The following NF1 variants were observed in gnomAD, a reference collection of about 807,000 sequenced individuals.
The protein encoded by NF1 is neurofibromin.
A neutral mutation model predicts 325.7 loss-of-function variants in NF1; 122 were observed. The observed-to-expected ratio is 0.37, with a 90% CI of 0.32 to 0.44. The LOEUF (loss-of-function observed/expected upper bound fraction) is 0.44, where lower values mean the gene tolerates loss of function less well. Ranked by LOEUF, NF1 falls within the 20% of genes least tolerant of loss-of-function variation. The probability of loss-of-function intolerance (pLI) is 1.00; values close to 1 mark genes in which losing one functional copy is unlikely to be tolerated. For missense variants in NF1, 2,140 were observed against 3,415.4 expected, an observed-to-expected ratio of 0.63 and a Z score of 9.31; for synonymous variants, 1,091 against 1,186.0, an observed-to-expected ratio of 0.92 and a Z score of 1.65.
At chr17:31,260,280 T>C (rs2151464226) in intron 33 of NF1, 89 bp from the exon 34 acceptor site, 1 of 1,359,620 alleles carries the variant, frequency 7.4e-7, no homozygotes, top group South Asian at 1.2e-5. Context: ...TCTTAGTTAC[T>C]TCACAAAGTT....
chr17:31,235,480 A>G (rs1474402220), intron 27 of NF1, 131 bp from the exon 28 acceptor site: 2 of 848,940 alleles, frequency 2.4e-6, no homozygotes, highest in African/African-American at 1.7e-5. Context: ...ATAAATATTA[A>G]TCAGTCATCA....
chr17:31,318,013 T>G (rs1000922625), intron 36 of NF1: 6 of 325,938 alleles, frequency 1.8e-5, no homozygotes, highest in Non-Finnish European at 2.8e-5. Flanking sequence ...ATTTATTTAA[T>G]TATCCCTTGC....
At position 31,340,453 on chromosome 17, in the gene NF1, G is replaced by A. The variant is rs2069786767; in HGVS notation, c.6922-52G>A. ...TTTTTAACTGCAGTGTGTTTTGAAA[G>A]AGACTATGTCATGATTCATCTTACT... On this transcript the variant is annotated intron_variant, in intron 46 of 57. Transcript: ENST00000358273. The A allele has an allele frequency of 3.7e-6, 6 of 1,612,392 alleles. No homozygotes were observed. The South Asian group carries it at 5.5e-5, about 15-fold the overall frequency.
intron 29 of NF1, among the ~76,000 whole-genome samples, chr17:31,245,313 C>T (rs562923716): frequency 6.6e-6 from 1 of 152,308 alleles, no homozygotes; most frequent in East Asian, 1.9e-4. Flanking sequence ...CTTCAATTAG[C>T]CACATATTGC....
chr17:31,311,616 A>T (rs906360201), intron 36 of NF1, among the ~76,000 whole-genome samples: 2 of 152,182 alleles, frequency 1.3e-5, no homozygotes, highest in Admixed American at 1.3e-4. Flanking sequence ...CATGATAGTG[A>T]CCATTTACTG....
chr17:31,173,457 G>T (rs1427131151), intron 5 of NF1, among the ~76,000 whole-genome samples: 3 of 151,962 alleles, frequency 2.0e-5, no homozygotes, highest in Admixed American at 2.0e-4. Context: ...TTAGCCGGGT[G>T]TGGTGGCACG....
chr17:31,138,115 T>C (rs1397943970), intron 1 of NF1: 2 of 152,104 alleles, frequency 1.3e-5, no homozygotes, highest in African/African-American at 4.8e-5. Flanking sequence ...CGTCTTCCTA[T>C]CTTATTTATT....
At chr17:31,302,687 A>AT (rs1022197722) in intron 36 of NF1, among the ~76,000 whole-genome samples, 83 of 152,086 alleles carry the variant, frequency 5.5e-4, no homozygotes, top group African/African-American at 2.0e-3. Context: ...TAAAAAAAAA[A>AT]TACCAAAATT....
intron 36 of NF1, among the ~76,000 whole-genome samples, chr17:31,283,440 CTAAT>C (rs1339160052): frequency 6.7e-6 from 1 of 149,774 alleles, no homozygotes; most frequent in Non-Finnish European, 1.5e-5. Flanking sequence ...AAAAAAAACA[CTAAT>C]TACCAGTTTT....
chr17:31,210,551 C>T (rs1302391590), intron 12 of NF1, among the ~76,000 whole-genome samples: 1 of 152,154 alleles, frequency 6.6e-6, no homozygotes, highest in East Asian at 1.9e-4. Flanking sequence ...TGTCACTGCA[C>T]TGTCAGCCTG....
intron 57 of NF1, among the ~76,000 whole-genome samples, chr17:31,371,810 C>T (rs1425844540): frequency 6.6e-6 from 1 of 152,172 alleles, no homozygotes; most frequent in Admixed American, 6.5e-5. Flanking sequence ...TGTTCATAAA[C>T]AGTCACTGAC....
chr17:31,155,650 C>G (rs536026357), intron 1 of NF1, among the ~76,000 whole-genome samples: 94 of 152,292 alleles, frequency 6.2e-4, no homozygotes, highest in African/African-American at 2.2e-3. Context: ...TGTGAGTCAT[C>G]ATTTCTTCTT....
At chr17:31,303,108 A>G (rs2068613637) in intron 36 of NF1, among the ~76,000 whole-genome samples, 1 of 152,216 alleles carries the variant, frequency 6.6e-6, no homozygotes. Flanking sequence ...TGCCAGTGCT[A>G]TGAATAAATG....
At chr17:31,257,652 G>A (rs990049119) in intron 31 of NF1, 5 of 152,066 alleles carry the variant, frequency 3.3e-5, no homozygotes, top group African/African-American at 9.7e-5. Flanking sequence ...AGACATAGGG[G>A]TTCTCTCTTC....
At chr17:31,351,572 A>G (rs2070145968) in intron 50 of NF1, among the ~76,000 whole-genome samples, 1 of 152,126 alleles carries the variant, frequency 6.6e-6, no homozygotes, top group Non-Finnish European at 1.5e-5. Context: ...GCGTGCCACC[A>G]TGCCCAGCTA....
intron 36 of NF1, chr17:31,305,597 A>T: frequency 1.2e-6 from 2 of 1,612,324 alleles, no homozygotes; most frequent in Non-Finnish European, 1.7e-6. Context: ...AAGATGAAAT[A>T]TTTGGGATCC....
chr17:31,352,119 C>G, intron 50 of NF1, 138 bp from the exon 51 acceptor site: 3 of 769,654 alleles, frequency 3.9e-6, no homozygotes, highest in Non-Finnish European at 6.6e-6. Context: ...AGTTTGTATC[C>G]TAAAGCCCTT....
At chr17:31,184,294 G>A (rs1396038389) in intron 8 of NF1, among the ~76,000 whole-genome samples, 1 of 152,136 alleles carries the variant, frequency 6.6e-6, no homozygotes, top group Non-Finnish European at 1.5e-5. Flanking sequence ...ACCATATATG[G>A]AGAACCAAGG....
intron 4 of NF1, among the ~76,000 whole-genome samples, chr17:31,165,105 A>G (rs1003048200): frequency 6.6e-6 from 1 of 152,236 alleles, no homozygotes. Context: ...TAGTCTATCA[A>G]TGCATGAACT....
Sources: gnomAD v4.1 joint callset for allele counts (sites outside exome capture counted in the v4.1 genomes callset) on GRCh38, gnomAD v4.1.1 for gene constraint, MANE v1.5 for transcripts, NCBI Gene and HGNC (gene_info 2026-07-23, HGNC 2026-07-21) for gene names.